The following VWA8 variants were observed in gnomAD, a reference collection of about 807,000 sequenced individuals.
The protein encoded by VWA8 is von Willebrand factor A domain-containing protein 8.
In VWA8, 221 loss-of-function variants were observed where a neutral mutation model predicts 241.5. That is an observed-to-expected ratio of 0.91 (90% CI 0.82 to 1.02). The LOEUF (loss-of-function observed/expected upper bound fraction) is 1.02, where lower values mean the gene tolerates loss of function less well. Ranked by LOEUF, VWA8 falls within the 50% of genes least tolerant of loss-of-function variation. VWA8 has a pLI of 0.00. For missense variants in VWA8, 2,322 were observed against 2,328.7 expected, an observed-to-expected ratio of 1.00 and a Z score of 0.06; for synonymous variants, 852 against 827.1, an observed-to-expected ratio of 1.03 and a Z score of -0.52.
chr13:41,574,977 G>A (rs2044341455), intron 43 of VWA8, among the ~76,000 whole-genome samples: 1 of 152,168 alleles, frequency 6.6e-6, no homozygotes. Context: ...GTTTATAGAA[G>A]CACAATTAGC....
At chr13:41,610,238 G>A (rs550028984) in intron 39 of VWA8, among the ~76,000 whole-genome samples, 6 of 152,292 alleles carry the variant, frequency 3.9e-5, no homozygotes, top group African/African-American at 1.4e-4. Flanking sequence ...AAGAAATGCA[G>A]AGAACTTTCA....
At chr13:41,935,419 T>A (rs1378074404) in intron 2 of VWA8, among the ~76,000 whole-genome samples, 1 of 152,064 alleles carries the variant, frequency 6.6e-6, no homozygotes, top group Non-Finnish European at 1.5e-5. Context: ...ATAAAATGAG[T>A]CCAAATTTCT....
intron 12 of VWA8, among the ~76,000 whole-genome samples, chr13:41,852,195 T>C (rs1872554717): frequency 6.6e-6 from 1 of 152,208 alleles, no homozygotes; most frequent in Admixed American, 6.5e-5. Flanking sequence ...TTGACCACTT[T>C]TTATATGTAC....
At chr13:41,943,437 G>C (rs934552734) in intron 2 of VWA8, among the ~76,000 whole-genome samples, 2 of 151,832 alleles carry the variant, frequency 1.3e-5, no homozygotes, top group Non-Finnish European at 2.9e-5. Flanking sequence ...AAAATTCTTA[G>C]GAAAAAAACA....
intron 4 of VWA8, among the ~76,000 whole-genome samples, chr13:41,900,201 G>C (rs892675087): frequency 5.3e-5 from 8 of 152,194 alleles, no homozygotes; most frequent in African/African-American, 1.9e-4. Flanking sequence ...ATTTAGGCTA[G>C]ATAGTTGGAA....
chr13:41,883,338 G>C (rs113587993), intron 9 of VWA8, 49 bp downstream of exon 9: 10 of 1,476,940 alleles, frequency 6.8e-6, no homozygotes, highest in Non-Finnish European at 9.4e-6. Flanking sequence ...AAAAGGCAAG[G>C]GAAGGGAAAA....
chr13:41,662,139 T>A (rs35013063), intron 37 of VWA8, among the ~76,000 whole-genome samples: 2,899 of 152,290 alleles, frequency 0.019, 52 homozygotes, highest in African/African-American at 0.051. Flanking sequence ...TCTTCCCATA[T>A]AAATTTTAGA....
intron 2 of VWA8, among the ~76,000 whole-genome samples, chr13:41,923,733 C>T (rs1876680154): frequency 6.6e-6 from 1 of 152,064 alleles, no homozygotes; most frequent in Non-Finnish European, 1.5e-5. Context: ...ACCTATGCTG[C>T]CACCATCACT....
intron 20 of VWA8, among the ~76,000 whole-genome samples, chr13:41,767,053 C>A (rs532627882): frequency 6.6e-6 from 1 of 152,164 alleles, no homozygotes; most frequent in African/African-American, 2.4e-5. Flanking sequence ...AGCTTTCTTG[C>A]ATGTTCTCTG....
intron 3 of VWA8, among the ~76,000 whole-genome samples, chr13:41,910,687 A>G (rs981600260): frequency 4.6e-5 from 7 of 152,132 alleles, no homozygotes; most frequent in Non-Finnish European, 1.0e-4. Context: ...CTTACATATT[A>G]ATAAAGTGAG....
At chr13:41,853,980 A>G (rs764117081) in intron 12 of VWA8, among the ~76,000 whole-genome samples, 12 of 152,188 alleles carry the variant, frequency 7.9e-5, no homozygotes, top group Non-Finnish European at 1.5e-4. Context: ...TACATGTTTT[A>G]TATTTTAATA....
At chr13:41,784,741 T>C (rs370060189) in intron 18 of VWA8, among the ~76,000 whole-genome samples, 2,011 of 67,284 alleles carry the variant, frequency 0.03, 107 homozygotes, top group East Asian at 0.099. Flanking sequence ...CACACACATA[T>C]ATATATATAT....
intron 40 of VWA8, among the ~76,000 whole-genome samples, chr13:41,591,001 A>G (rs1288964354): frequency 6.6e-6 from 1 of 152,194 alleles, no homozygotes; most frequent in Non-Finnish European, 1.5e-5. Flanking sequence ...TGGTATGCAA[A>G]TGAGTCCCTG....
In VWA8 at chr13:41,960,896, C is replaced by T; in HGVS notation, c.120G>A (p.Arg40=). Residue 40 remains arginine, a synonymous_variant, in exon 1 of 45, where the codon CGG becomes CGA. Transcript: ENST00000379310. ...VQRRPGGDRQ[R]PEVRLLHAGS... ...CGGCGTGCAACAGTCTGACCTCCGGCCGCTGCCTGTCGCCACCCGGCCTGC... is the reference window on the plus strand; with the variant it reads ...CGGCGTGCAACAGTCTGACCTCCGGTCGCTGCCTGTCGCCACCCGGCCTGC... 6.6e-7 allele frequency: 1 copy of T among 1,513,870 alleles called. No individual in the cohort carries two copies. Among genetic ancestry groups the T allele is most frequent in the Non-Finnish European group, 8.8e-7 (1 of 1,137,402 alleles). 93.8% of individuals were successfully genotyped at this position (1,513,870 alleles called of 1,614,324 possible).
At position 41,675,283 on chromosome 13, in the gene VWA8, T is replaced by C. The variant is rs747819076; in HGVS notation, c.4341A>G (p.Pro1447=). The C allele has an allele frequency of 5.6e-5, 91 of 1,612,450 alleles. No individual in the cohort carries two copies. The Admixed American group carries it at 1.4e-3, about 24-fold the overall frequency. The change falls in exon 36 of 45, where the codon CCA becomes CCG. Residue 1447 remains proline, a synonymous_variant. Coordinates refer to ENST00000379310, the MANE Select transcript of VWA8 (RefSeq NM_015058.2). The part of the protein sequence containing the change: ...KDIYPKDVTP[P]QTSGYIEVTD... ...TGACTTCTATATAACCAGATGTTTG[T>C]GGAGGAGTAACATCTACAAACAAGT... is the stretch of plus-strand genomic sequence containing the variant.
chr13:41,742,890 G>A (rs1163729655), intron 21 of VWA8, among the ~76,000 whole-genome samples: 1 of 152,164 alleles, frequency 6.6e-6, no homozygotes, highest in South Asian at 2.1e-4. Flanking sequence ...TTATGCTTAT[G>A]GTGGCACAAA....
intron 12 of VWA8, among the ~76,000 whole-genome samples, chr13:41,852,053 G>A (rs186397472): frequency 5.6e-4 from 85 of 152,172 alleles, no homozygotes; most frequent in African/African-American, 1.0e-3. Flanking sequence ...TACCAACAAC[G>A]TACAAGCATT....
intron 1 of VWA8, among the ~76,000 whole-genome samples, chr13:41,955,108 G>A (rs1320006733): frequency 6.6e-6 from 1 of 151,990 alleles, no homozygotes; most frequent in East Asian, 1.9e-4. Context: ...TTTTTAAGCT[G>A]TAATGTTTTC....
intron 43 of VWA8, among the ~76,000 whole-genome samples, chr13:41,574,186 A>G (rs2044335668): frequency 6.6e-6 from 1 of 151,694 alleles, no homozygotes. Flanking sequence ...AAAAAAAAAA[A>G]AAAGAAAACC....
Sources: gnomAD v4.1 joint callset for allele counts (sites outside exome capture counted in the v4.1 genomes callset) on GRCh38, gnomAD v4.1.1 for gene constraint, MANE v1.5 for transcripts, NCBI Gene and HGNC (gene_info 2026-07-23, HGNC 2026-07-21) for gene names.